FTO: variants seen among roughly 807,000 people sequenced by gnomAD.
FTO encodes FTO alpha-ketoglutarate dependent dioxygenase.
In FTO, 47 loss-of-function variants were observed where a neutral mutation model predicts 63.9. The ratio of observed to expected loss-of-function variants is 0.74; its 90% CI spans 0.58 to 0.94. The LOEUF (loss-of-function observed/expected upper bound fraction) is 0.94, where lower values mean the gene tolerates loss of function less well. Among genes scored for constraint, FTO ranks in the 40% least tolerant of loss-of-function variants. The probability of loss-of-function intolerance (pLI) is 0.00; values close to 1 mark genes in which losing one functional copy is unlikely to be tolerated. For missense variants in FTO, 562 were observed against 618.1 expected (o/e 0.91, Z 0.96); for synonymous variants, 207 against 224.4 (o/e 0.92, Z 0.69).
At chr16:53,996,801 G>GC (rs1225838306) in intron 8 of FTO, among the ~76,000 whole-genome samples, 2 of 152,006 alleles carry the variant, frequency 1.3e-5, no homozygotes, top group African/African-American at 4.8e-5. Context: ...AGGGGGAAAA[G>GC]CCCCTTATAA....
intron 5 of FTO, among the ~76,000 whole-genome samples, chr16:53,878,879 C>T (rs1011028735): frequency 1.3e-5 from 2 of 152,208 alleles, no homozygotes; most frequent in African/African-American, 4.8e-5. Flanking sequence ...TTGAATGTGC[C>T]TTGAGGGCTT....
intron 1 of FTO, among the ~76,000 whole-genome samples, chr16:53,794,022 A>C (rs934079538): frequency 6.6e-6 from 1 of 152,244 alleles, no homozygotes; most frequent in Non-Finnish European, 1.5e-5. Flanking sequence ...AGAGCAAGCA[A>C]ACTTGTTTTT....
intron 8 of FTO, among the ~76,000 whole-genome samples, chr16:54,079,949 A>G (rs1275420232): frequency 6.6e-6 from 1 of 152,214 alleles, no homozygotes; most frequent in Non-Finnish European, 1.5e-5. Context: ...CAAAATAAAT[A>G]CCTGTAGATT....
chr16:54,084,802 G>T (rs1428974263), intron 8 of FTO, among the ~76,000 whole-genome samples: 1 of 152,166 alleles, frequency 6.6e-6, no homozygotes, highest in African/African-American at 2.4e-5. Flanking sequence ...CTGCTGAGAG[G>T]GGGTAATGGC....
At chr16:53,858,934 C>T (rs2080089277) in intron 4 of FTO, among the ~76,000 whole-genome samples, 1 of 152,138 alleles carries the variant, frequency 6.6e-6, no homozygotes, top group South Asian at 2.1e-4. Flanking sequence ...GCTGGGATTA[C>T]AGGCATGAGC....
At chr16:53,949,958 A>G (rs1350592011) in intron 8 of FTO, among the ~76,000 whole-genome samples, 2 of 152,072 alleles carry the variant, frequency 1.3e-5, no homozygotes, top group South Asian at 2.1e-4. Context: ...AACAAATTAC[A>G]TAGCTGTACG....
chr16:53,928,360 G>A (rs1478684337), intron 7 of FTO, among the ~76,000 whole-genome samples: 1 of 152,164 alleles, frequency 6.6e-6, no homozygotes, highest in African/African-American at 2.4e-5. Flanking sequence ...ATAGGAGACT[G>A]TTTAAAAATT....
At chr16:53,959,463 T>G (rs1430850284) in intron 8 of FTO, among the ~76,000 whole-genome samples, 2 of 152,198 alleles carry the variant, frequency 1.3e-5, no homozygotes, top group Non-Finnish European at 2.9e-5. Flanking sequence ...GTTACTGATG[T>G]AAGCAGAGTG....
At chr16:54,079,536 T>G (rs1304460365) in intron 8 of FTO, among the ~76,000 whole-genome samples, 1 of 152,130 alleles carries the variant, frequency 6.6e-6, no homozygotes, top group Non-Finnish European at 1.5e-5. Flanking sequence ...GGGAAACGCA[T>G]GAGACTATGG....
chr16:53,849,732 T>G (rs1393490216), intron 4 of FTO, among the ~76,000 whole-genome samples: 1 of 152,236 alleles, frequency 6.6e-6, no homozygotes, highest in Non-Finnish European at 1.5e-5. Context: ...ATTGCCATGC[T>G]TCTGTTTTTT....
intron 1 of FTO, among the ~76,000 whole-genome samples, chr16:53,731,327 G>T (rs1412160691): frequency 6.6e-6 from 1 of 152,152 alleles, no homozygotes; most frequent in Non-Finnish European, 1.5e-5. Context: ...GCTTCTCCAG[G>T]TGGGGGCCTG....
chr16:54,004,421 TG>T (rs1213964869), intron 8 of FTO, among the ~76,000 whole-genome samples: 1 of 141,462 alleles, frequency 7.1e-6, no homozygotes, highest in African/African-American at 2.7e-5. Flanking sequence ...AATAAATAAA[TG>T]TCGTGGTTTT....
chr16:53,847,308 G>A (rs567935174), intron 4 of FTO, among the ~76,000 whole-genome samples: 17 of 152,160 alleles, frequency 1.1e-4, no homozygotes, highest in African/African-American at 3.9e-4. Flanking sequence ...AGCGCTGAAC[G>A]CTGCTCAGGG....
chr16:54,033,427 C>T (rs2084874640), intron 8 of FTO, among the ~76,000 whole-genome samples: 1 of 152,108 alleles, frequency 6.6e-6, no homozygotes, highest in South Asian at 2.1e-4. Flanking sequence ...AAACACTGTA[C>T]CTTTTGTCAA....
chr16:53,833,631 T>C (rs62033432), intron 3 of FTO, among the ~76,000 whole-genome samples: 40,530 of 152,126 alleles, frequency 0.27, 5,802 homozygotes, highest in African/African-American at 0.37. Flanking sequence ...TAGGTCTATG[T>C]TGACATTTTT....
At chr16:54,026,698 C>T (rs549008202) in intron 8 of FTO, among the ~76,000 whole-genome samples, 11 of 152,142 alleles carry the variant, frequency 7.2e-5, no homozygotes, top group Middle Eastern at 3.4e-3. Flanking sequence ...GTATTATAGA[C>T]GAGAAGCCAG....
chr16:53,769,325 A>G (rs1468908410), intron 1 of FTO, among the ~76,000 whole-genome samples: 1 of 152,110 alleles, frequency 6.6e-6, no homozygotes, highest in Non-Finnish European at 1.5e-5. Flanking sequence ...CCAGAACCAT[A>G]TTACTTGGGC....
At chr16:54,036,462 A>C (rs2084943251) in intron 8 of FTO, among the ~76,000 whole-genome samples, 1 of 152,226 alleles carries the variant, frequency 6.6e-6, no homozygotes, top group Non-Finnish European at 1.5e-5. Context: ...GGTCATAAAG[A>C]TAGACTGCAG....
chr16:53,907,978 A>G (rs77641395), intron 7 of FTO, among the ~76,000 whole-genome samples: 6,060 of 152,288 alleles, frequency 0.04, 197 homozygotes, highest in African/African-American at 0.096. Context: ...ATAGAGTTTG[A>G]GAGTACTTAC....
Sources: allele counts gnomAD v4.1 joint callset (sites outside exome capture counted in the v4.1 genomes callset), GRCh38; gene constraint gnomAD v4.1.1; transcripts MANE v1.5; gene names NCBI Gene and HGNC (gene_info 2026-07-23, HGNC 2026-07-21).